TMEM39A: variants seen among roughly 807,000 people sequenced by gnomAD.
The protein encoded by TMEM39A is transmembrane protein 39A, also known as suppressor of SQST-1 aggregates in rpl-43 mutants.
TMEM39A carries 19 observed loss-of-function variants against 51.9 expected under a neutral mutation model. The ratio of observed to expected loss-of-function variants is 0.37; its 90% confidence interval spans 0.26 to 0.54. The LOEUF (loss-of-function observed/expected upper bound fraction) is 0.54, where lower values mean the gene tolerates loss of function less well. Among genes scored for constraint, TMEM39A ranks in the 20% least tolerant of loss-of-function variants. TMEM39A has a pLI of 0.88. For missense variants in TMEM39A, 433 were observed against 590.5 expected, an observed-to-expected ratio of 0.73 and a Z score of 2.76; for synonymous variants, 197 against 220.2, an observed-to-expected ratio of 0.89 and a Z score of 0.93.
At chr3:119,461,392 A>G (rs1372022152) in intron 2 of TMEM39A, among the ~76,000 whole-genome samples, 1 of 152,264 alleles carries the variant, frequency 6.6e-6, no homozygotes, top group Non-Finnish European at 1.5e-5. Context: ...AGCTCTGAAA[A>G]TTAAAATCAA....
At chr3:119,450,826 CAAAAAAAA>C (rs60326718) in intron 4 of TMEM39A, among the ~76,000 whole-genome samples, 1 of 55,900 alleles carries the variant, frequency 1.8e-5, no homozygotes, top group Non-Finnish European at 3.0e-5. Flanking sequence ...GACTCCATCT[CAAAAAAAA>C]AAAAAAAAAA....
intron 5 of TMEM39A, among the ~76,000 whole-genome samples, chr3:119,445,097 G>A (rs1334977802): frequency 2.6e-5 from 4 of 151,660 alleles, no homozygotes; most frequent in South Asian, 2.1e-4. Context: ...AAAAGCAACC[G>A]TCTCTGGACA....
intron 4 of TMEM39A, among the ~76,000 whole-genome samples, chr3:119,449,976 C>G: frequency 6.6e-6 from 1 of 152,036 alleles, no homozygotes; most frequent in East Asian, 1.9e-4. Flanking sequence ...TGATCTTTCT[C>G]AGGGTAGGGA....
intron 4 of TMEM39A, among the ~76,000 whole-genome samples, chr3:119,449,501 G>C (rs2081170873): frequency 6.6e-6 from 1 of 151,316 alleles, no homozygotes; most frequent in Non-Finnish European, 1.5e-5. Context: ...TTGAACCAAG[G>C]AGTAATCCCA....
At chr3:119,451,524 G>A (rs4687859) in intron 4 of TMEM39A, among the ~76,000 whole-genome samples, 68,857 of 152,016 alleles carry the variant, frequency 0.45, 16,270 homozygotes, top group East Asian at 0.63. Context: ...TGCCTCATTG[G>A]GATTTACAAA....
intron 3 of TMEM39A, among the ~76,000 whole-genome samples, chr3:119,455,267 C>T (rs1443627533): frequency 6.6e-6 from 1 of 152,202 alleles, no homozygotes; most frequent in African/African-American, 2.4e-5. Flanking sequence ...CTCCGGCAGT[C>T]CAATCTATCT....
intron 2 of TMEM39A, among the ~76,000 whole-genome samples, chr3:119,460,127 T>C (rs2081318787): frequency 1.3e-5 from 2 of 152,138 alleles, no homozygotes; most frequent in South Asian, 2.1e-4. Flanking sequence ...TTTCAAACCA[T>C]AAACAATTAT....
chr3:119,451,153 G>C, intron 4 of TMEM39A: 1 of 871,220 alleles, frequency 1.1e-6, no homozygotes, highest in Non-Finnish European at 1.4e-6. Context: ...TAAAAACTCT[G>C]AAAGAAAAGA....
intron 4 of TMEM39A, among the ~76,000 whole-genome samples, chr3:119,451,830 CAAAAAAA>C (rs10653676): frequency 9.2e-5 from 5 of 54,280 alleles, no homozygotes; most frequent in Non-Finnish European, 1.3e-4. Flanking sequence ...AACTCCGTCT[CAAAAAAA>C]AAAAAAAAAA....
intron 5 of TMEM39A, among the ~76,000 whole-genome samples, chr3:119,443,347 T>C (rs1294338994): frequency 6.6e-6 from 1 of 152,194 alleles, no homozygotes; most frequent in African/African-American, 2.4e-5. Flanking sequence ...ACACATCACA[T>C]GCTACAGAGA....
At chr3:119,448,993 CA>C (rs2081163862) in intron 4 of TMEM39A, among the ~76,000 whole-genome samples, 1 of 152,106 alleles carries the variant, frequency 6.6e-6, no homozygotes, top group South Asian at 2.1e-4. Context: ...TTTATCTAAT[CA>C]TTTTTTTAAT....
At chr3:119,434,238 T>C (rs2080938487) in intron 8 of TMEM39A, among the ~76,000 whole-genome samples, 1 of 152,208 alleles carries the variant, frequency 6.6e-6, no homozygotes, top group South Asian at 2.1e-4. Flanking sequence ...AGTGGGTTTC[T>C]ATTGCTTTTT....
chr3:119,432,810 C>T (rs1560007128), intron 8 of TMEM39A, among the ~76,000 whole-genome samples: 1 of 152,088 alleles, frequency 6.6e-6, no homozygotes, highest in African/African-American at 2.4e-5. Flanking sequence ...AAATCCTCTA[C>T]ACCATATACC....
rs569722146 is a variant in TMEM39A, at chr3:119,446,711, G to A, written c.575+307C>T. ...GTGCATTCATCTAAAATTAACTACC[G>A]TTTACCCAAATATAGATAGCAAGAG... On this transcript the variant is annotated intron_variant, in intron 5 of 8. Transcript: ENST00000319172. 26 of 217,292 alleles carry A rather than the reference G, an allele frequency of 1.2e-4. No homozygotes were observed. The East Asian group carries it at 1.5e-3, about 12-fold the overall frequency. The allele number at this position is 217,292 out of a possible 1,614,324, so 13.5% of individuals were successfully genotyped here. A position where few individuals can be genotyped will look rare whatever the true frequency, so the allele number is the denominator to read the frequency against.
intron 8 of TMEM39A, among the ~76,000 whole-genome samples, chr3:119,433,320 C>T (rs1444649848): frequency 6.6e-6 from 1 of 152,138 alleles, no homozygotes; most frequent in South Asian, 2.1e-4. Flanking sequence ...TCCAAATCCA[C>T]AAATGCTGCC....
Position 119,436,806 on chromosome 3 carries a change from T to A in TMEM39A, c.1097A>T (p.Asn366Ile), listed in dbSNP as rs750566690. Residue 366 changes from asparagine (N) to isoleucine (I), a missense_variant, in exon 7 of 9, where the codon AAT becomes ATT. Coordinates refer to ENST00000319172, the MANE Select transcript of TMEM39A (RefSeq NM_018266.3). ...WQKLEHGSYSNAPQHIWSENT... is the reference protein window; with the variant it reads ...WQKLEHGSYSIAPQHIWSENT... ...GCTTACTCACATGTGCTGTGGAGCA[T>A]TGCTGTAGGACCCATGTTCCAACTT... 6.2e-7 allele frequency: 1 copy of A among 1,613,280 alleles called. No homozygotes were observed. Among genetic ancestry groups the A allele is most frequent in the Non-Finnish European group, 8.5e-7 (1 of 1,179,466 alleles).
At position 119,455,221 on chromosome 3, in the gene TMEM39A, C is replaced by T. The variant is rs567447036; in HGVS notation, c.337-2691G>A. ...CTCCTGACCAGGTAACCACCTTCCA[C>T]ACTTCAATACCTTCAGTGATGGGAA... On this transcript the variant is annotated intron_variant, in intron 3 of 8. Coordinates refer to ENST00000319172, the MANE Select transcript of TMEM39A (RefSeq NM_018266.3). 1.4e-4 allele frequency among the ~76,000 whole-genome samples: 22 copies of T among 152,340 alleles called. 1 individual carries two copies. In the East Asian group the frequency reaches 4.0e-3, roughly 28 times the overall value.
At chr3:119,450,687 T>C (rs2081186094) in intron 4 of TMEM39A, among the ~76,000 whole-genome samples, 1 of 151,464 alleles carries the variant, frequency 6.6e-6, no homozygotes, top group Non-Finnish European at 1.5e-5. Flanking sequence ...CTGGGTATGG[T>C]CGTGGGCGCC....
intron 7 of TMEM39A, chr3:119,435,586 A>T (rs1417277276): frequency 1.0e-6 from 1 of 983,598 alleles, no homozygotes; most frequent in African/African-American, 1.7e-5. Flanking sequence ...TTAAAAAAAA[A>T]AAAAAAAATC....
Sources: allele counts gnomAD v4.1 joint callset (sites outside exome capture counted in the v4.1 genomes callset), GRCh38; gene constraint gnomAD v4.1.1; transcripts MANE v1.5; gene names NCBI Gene and HGNC (gene_info 2026-07-23, HGNC 2026-07-21).